TRPS1: variants seen among roughly 807,000 people sequenced by gnomAD.
TRPS1 encodes transcriptional repressor GATA binding 1.
Under a neutral mutation model 101.2 loss-of-function variants are expected in TRPS1, and 6 were observed. That is an observed-to-expected ratio of 0.06 (90% CI 0.03 to 0.12). The LOEUF is 0.12. Ranked by LOEUF, TRPS1 falls within the 10% of genes least tolerant of loss-of-function variation. TRPS1 has a pLI of 1.00. For synonymous variants in TRPS1, 578 were observed against 589.8 expected, an observed-to-expected ratio of 0.98 and a Z score of 0.29; for missense variants, 1,363 against 1,567.0, an observed-to-expected ratio of 0.87 and a Z score of 2.20.
intron 1 of TRPS1, among the ~76,000 whole-genome samples, chr8:115,649,386 T>A (rs1429536158): frequency 2.6e-5 from 4 of 152,222 alleles, no homozygotes; most frequent in Non-Finnish European, 5.9e-5. Context: ...AGGGCCAGGC[T>A]GCCTGGACTG....
chr8:115,618,936 A>G (rs7016039), intron 3 of TRPS1, among the ~76,000 whole-genome samples, 196 bp downstream of exon 3: 9,041 of 152,280 alleles, frequency 0.059, 834 homozygotes, highest in African/African-American at 0.2. Context: ...GTTTTCCACA[A>G]TAAGAGGCTA....
At chr8:115,641,241 C>G (rs1324178307) in intron 1 of TRPS1, among the ~76,000 whole-genome samples, 1 of 152,216 alleles carries the variant, frequency 6.6e-6, no homozygotes, top group African/African-American at 2.4e-5. Flanking sequence ...TCATTACTAA[C>G]TACTCATCTG....
intron 5 of TRPS1, among the ~76,000 whole-genome samples, chr8:115,437,339 A>G (rs180820310): frequency 6.6e-6 from 1 of 152,328 alleles, no homozygotes; most frequent in Non-Finnish European, 1.5e-5. Context: ...CATCACTGCC[A>G]TTTCCTTAGT....
At chr8:115,436,266 A>C (rs1416306028) in intron 5 of TRPS1, among the ~76,000 whole-genome samples, 1 of 151,986 alleles carries the variant, frequency 6.6e-6, no homozygotes, top group Admixed American at 6.6e-5. Flanking sequence ...CCCTGAGAGC[A>C]CCATTTTTCT....
chr8:115,499,764 G>A (rs1313017127), intron 5 of TRPS1, among the ~76,000 whole-genome samples: 1 of 152,096 alleles, frequency 6.6e-6, no homozygotes. Flanking sequence ...TTAATAAACA[G>A]AGATTAAGAG....
chr8:115,438,242 A>G (rs916252348), intron 5 of TRPS1, among the ~76,000 whole-genome samples: 1 of 152,122 alleles, frequency 6.6e-6, no homozygotes, highest in Admixed American at 6.5e-5. Context: ...TCTTTCATTC[A>G]TTTTAAATGC....
chr8:115,592,148 C>T (rs1233064619), intron 4 of TRPS1, among the ~76,000 whole-genome samples: 1 of 152,192 alleles, frequency 6.6e-6, no homozygotes, highest in African/African-American at 2.4e-5. Context: ...GGCAGCATTG[C>T]AACCCAAAGA....
At chr8:115,509,964 C>T (rs1266070828) in intron 5 of TRPS1, among the ~76,000 whole-genome samples, 3 of 151,994 alleles carry the variant, frequency 2.0e-5, no homozygotes, top group African/African-American at 7.2e-5. Flanking sequence ...GTAGGATTAA[C>T]CTGCATGAAA....
chr8:115,659,682 T>C (rs900738880), intron 1 of TRPS1, among the ~76,000 whole-genome samples: 1 of 151,948 alleles, frequency 6.6e-6, no homozygotes, highest in Admixed American at 6.6e-5. Flanking sequence ...TGAGAGAAAA[T>C]GGGCTGATGT....
chr8:115,533,447 T>TTTGTTTTTTTG (rs1554583407), intron 5 of TRPS1, among the ~76,000 whole-genome samples: 2 of 131,444 alleles, frequency 1.5e-5, no homozygotes, highest in African/African-American at 6.2e-5. Flanking sequence ...TTTTTTTTTT[T>TTTGTTTTTTTG]TTTTTTTTTT....
At chr8:115,447,117 C>T (rs1813756725) in intron 5 of TRPS1, among the ~76,000 whole-genome samples, 1 of 152,122 alleles carries the variant, frequency 6.6e-6, no homozygotes, top group Non-Finnish European at 1.5e-5. Flanking sequence ...TGTAGTGAGT[C>T]TCAGACATGC....
chr8:115,503,873 T>A (rs375465974), intron 5 of TRPS1, among the ~76,000 whole-genome samples: 1 of 152,206 alleles, frequency 6.6e-6, no homozygotes, highest in African/African-American at 2.4e-5. Context: ...TTGAAAACCA[T>A]GTTATCCCCT....
chr8:115,630,935 A>G (rs1269067522), intron 1 of TRPS1, among the ~76,000 whole-genome samples: 1 of 152,040 alleles, frequency 6.6e-6, no homozygotes, highest in Non-Finnish European at 1.5e-5. Context: ...AGAGAACACA[A>G]TCTACAAGAC....
intron 5 of TRPS1, chr8:115,511,188 T>G (rs748410067): frequency 6.6e-6 from 1 of 151,892 alleles, no homozygotes; most frequent in Non-Finnish European, 1.5e-5. Flanking sequence ...TCTCTTTTAA[T>G]GTGGATTATC....
intron 1 of TRPS1, 144 bp from the exon 2 acceptor site, chr8:115,623,902 T>C (rs969565489): frequency 1.5e-6 from 1 of 646,488 alleles, no homozygotes; most frequent in African/African-American, 1.8e-5. Context: ...AGCAAGATCC[T>C]CTCCCTCCCC....
At chr8:115,600,790 T>C (rs1158380377) in intron 4 of TRPS1, among the ~76,000 whole-genome samples, 2 of 151,950 alleles carry the variant, frequency 1.3e-5, no homozygotes, top group Admixed American at 6.6e-5. Flanking sequence ...GTTATAACAC[T>C]GAAAATTTTG....
intron 5 of TRPS1, among the ~76,000 whole-genome samples, chr8:115,496,471 AAAAT>A (rs1211088489): frequency 3.9e-5 from 6 of 152,198 alleles, no homozygotes; most frequent in Admixed American, 2.0e-4. Context: ...AAAAGACAGA[AAAAT>A]AAATCATTCT....
intron 1 of TRPS1, among the ~76,000 whole-genome samples, chr8:115,654,216 T>A (rs1403352535): frequency 1.6e-5 from 2 of 121,906 alleles, no homozygotes; most frequent in South Asian, 3.1e-4. Context: ...TGTGAAGTCA[T>A]GGCTAGAAAT....
intron 5 of TRPS1, among the ~76,000 whole-genome samples, chr8:115,576,202 CTG>C (rs1361503380): frequency 6.6e-6 from 1 of 151,886 alleles, no homozygotes; most frequent in African/African-American, 2.4e-5. Context: ...AGCTTTCAGA[CTG>C]TATGTGTGAC....
Sources: gnomAD v4.1 joint callset for allele counts (sites outside exome capture counted in the v4.1 genomes callset) on GRCh38, gnomAD v4.1.1 for gene constraint, MANE v1.5 for transcripts, NCBI Gene and HGNC (gene_info 2026-07-23, HGNC 2026-07-21) for gene names.